The following ANKS1B variants were observed in gnomAD, a reference collection of about 807,000 sequenced individuals.
ANKS1B encodes the protein ankyrin repeat and sterile alpha motif domain-containing protein 1B.
In ANKS1B, 36 loss-of-function variants were observed where a neutral mutation model predicts 148.3. The ratio of observed to expected loss-of-function variants is 0.24; its 90% CI spans 0.19 to 0.32. The LOEUF is 0.32. ANKS1B is among the 10% of genes least tolerant of loss of function. The probability of loss-of-function intolerance (pLI) is 1.00; values close to 1 mark genes in which losing one functional copy is unlikely to be tolerated. For synonymous variants in ANKS1B, 542 were observed against 560.8 expected (o/e 0.97, Z 0.47); for missense variants, 1,157 against 1,542.6 (o/e 0.75, Z 4.19).
At chr12:99,801,402 C>T (rs2066937994) in intron 4 of ANKS1B, among the ~76,000 whole-genome samples, 1 of 152,152 alleles carries the variant, frequency 6.6e-6, no homozygotes, top group Non-Finnish European at 1.5e-5. Context: ...AAAGAAGAGA[C>T]AGATACTGAC....
At chr12:99,248,897 C>G (rs1440648581) in intron 12 of ANKS1B, among the ~76,000 whole-genome samples, 1 of 152,178 alleles carries the variant, frequency 6.6e-6, no homozygotes, top group Non-Finnish European at 1.5e-5. Context: ...ACATGCTTCT[C>G]CTGTTCATGA....
chr12:99,307,842 C>A (rs2082567830), intron 12 of ANKS1B, among the ~76,000 whole-genome samples: 1 of 151,846 alleles, frequency 6.6e-6, no homozygotes, highest in Non-Finnish European at 1.5e-5. Context: ...GTGGAAAAAA[C>A]AATTCTCCAA....
chr12:99,628,628 C>T (rs1459743662), intron 9 of ANKS1B, among the ~76,000 whole-genome samples: 1 of 152,160 alleles, frequency 6.6e-6, no homozygotes, highest in Non-Finnish European at 1.5e-5. Context: ...TAACAGAATA[C>T]TTCAGACTGG....
chr12:98,818,646 G>A (rs1301942040), intron 19 of ANKS1B, among the ~76,000 whole-genome samples: 2 of 152,192 alleles, frequency 1.3e-5, no homozygotes, highest in East Asian at 1.9e-4. Context: ...ATTCAGAAAG[G>A]CAGTGATCAG....
chr12:99,077,076 AC>A (rs1212800561), intron 16 of ANKS1B, among the ~76,000 whole-genome samples: 2 of 152,106 alleles, frequency 1.3e-5, no homozygotes, highest in African/African-American at 2.4e-5. Flanking sequence ...AACAAAAAAA[AC>A]CCCACAAGAC....
At chr12:99,437,076 C>T (rs939950622) in intron 11 of ANKS1B, among the ~76,000 whole-genome samples, 5 of 152,026 alleles carry the variant, frequency 3.3e-5, no homozygotes, top group Admixed American at 6.6e-5. Context: ...TTAACAAATA[C>T]CAAAAAGTTA....
intron 8 of ANKS1B, among the ~76,000 whole-genome samples, chr12:99,741,597 G>A (rs1035319303): frequency 4.6e-5 from 7 of 152,088 alleles, no homozygotes; most frequent in African/African-American, 1.4e-4. Flanking sequence ...CCTTTGCAGC[G>A]ACATGGATGA....
intron 14 of ANKS1B, among the ~76,000 whole-genome samples, chr12:99,214,300 G>T (rs1438627425): frequency 6.6e-6 from 1 of 152,072 alleles, no homozygotes; most frequent in Non-Finnish European, 1.5e-5. Flanking sequence ...TTAAATTTAG[G>T]TTTCATTTCT....
intron 1 of ANKS1B, among the ~76,000 whole-genome samples, chr12:99,974,853 C>T (rs1370932893): frequency 2.0e-5 from 3 of 152,116 alleles, no homozygotes; most frequent in Non-Finnish European, 4.4e-5. Context: ...CTGTGCCTGG[C>T]CCACAAATGT....
chr12:99,933,320 G>C (rs1295602916), intron 1 of ANKS1B, among the ~76,000 whole-genome samples: 1 of 151,982 alleles, frequency 6.6e-6, no homozygotes, highest in Non-Finnish European at 1.5e-5. Flanking sequence ...ATTTTGATAG[G>C]GATTACATTG....
At chr12:99,077,473 T>C (rs2048251119) in intron 16 of ANKS1B, among the ~76,000 whole-genome samples, 1 of 152,212 alleles carries the variant, frequency 6.6e-6, no homozygotes, top group African/African-American at 2.4e-5. Flanking sequence ...GTGGGCTATA[T>C]TTTGTCATTG....
chr12:99,901,369 G>A (rs1694295862), intron 1 of ANKS1B, among the ~76,000 whole-genome samples: 1 of 152,170 alleles, frequency 6.6e-6, no homozygotes, highest in African/African-American at 2.4e-5. Context: ...CTCAACGCCA[G>A]CTGTCCCCAC....
chr12:99,494,166 C>G (rs77464484), intron 10 of ANKS1B, among the ~76,000 whole-genome samples: 4,780 of 152,174 alleles, frequency 0.031, 232 homozygotes, highest in African/African-American at 0.11. Context: ...AAGTGAGGAT[C>G]GAGAAATGCC....
chr12:99,556,546 T>C (rs1021417394), intron 9 of ANKS1B, among the ~76,000 whole-genome samples: 1 of 152,192 alleles, frequency 6.6e-6, no homozygotes, highest in African/African-American at 2.4e-5. Context: ...GGTTATTAAT[T>C]TGAAATCTTT....
At chr12:99,894,144 C>T (rs117734933) in intron 1 of ANKS1B, among the ~76,000 whole-genome samples, 4 of 151,430 alleles carry the variant, frequency 2.6e-5, no homozygotes, top group Non-Finnish European at 5.9e-5. Flanking sequence ...AATGGACGAG[C>T]GCAGTGACTC....
intron 12 of ANKS1B, among the ~76,000 whole-genome samples, chr12:99,346,428 A>C (rs761457773): frequency 1.5e-4 from 23 of 150,706 alleles, no homozygotes; most frequent in Non-Finnish European, 3.1e-4. Context: ...CTTCCCCACC[A>C]CCACACACAT....
intron 11 of ANKS1B, among the ~76,000 whole-genome samples, chr12:99,440,542 GCT>G (rs1341635031): frequency 6.6e-6 from 1 of 151,690 alleles, no homozygotes; most frequent in Non-Finnish European, 1.5e-5. Context: ...GAAATAGATT[GCT>G]TCACAATCTA....
chr12:99,043,583 T>C (rs1352715539), intron 17 of ANKS1B, among the ~76,000 whole-genome samples: 1 of 152,224 alleles, frequency 6.6e-6, no homozygotes, highest in Admixed American at 6.5e-5. Flanking sequence ...CTCAAGGTAA[T>C]AGCTCTTTCC....
chr12:99,005,358 T>C (rs1256794999), intron 17 of ANKS1B, among the ~76,000 whole-genome samples: 1 of 152,164 alleles, frequency 6.6e-6, no homozygotes, highest in Non-Finnish European at 1.5e-5. Flanking sequence ...GTGCAGCTGC[T>C]CTCACCCAAA....
Sources: gnomAD v4.1 joint callset for allele counts (sites outside exome capture counted in the v4.1 genomes callset) on GRCh38, gnomAD v4.1.1 for gene constraint, MANE v1.5 for transcripts, NCBI Gene and HGNC (gene_info 2026-07-23, HGNC 2026-07-21) for gene names.